Variants in ELMO1 observed in about 807,000 individuals in gnomAD.
The protein encoded by ELMO1 is engulfment and cell motility 1.
Under a neutral mutation model 98.9 loss-of-function variants are expected in ELMO1, and 26 were observed. The observed-to-expected ratio is 0.26, with a 90% CI of 0.19 to 0.36. ELMO1 has a LOEUF of 0.36. ELMO1 is among the 10% of genes least tolerant of loss of function. ELMO1 has a pLI of 1.00. For missense variants in ELMO1, 627 were observed against 935.2 expected, an observed-to-expected ratio of 0.67 and a Z score of 4.30; for synonymous variants, 346 against 346.0, an observed-to-expected ratio of 1.00 and a Z score of 0.00.
chr7:36,983,956 C>T (rs571299386), intron 16 of ELMO1, among the ~76,000 whole-genome samples: 1 of 146,668 alleles, frequency 6.8e-6, no homozygotes, highest in Non-Finnish European at 1.5e-5. Flanking sequence ...TTAAGAACTA[C>T]TGTTTTAGAT....
chr7:37,063,754 G>C (rs1041430743), intron 15 of ELMO1, among the ~76,000 whole-genome samples: 1 of 152,070 alleles, frequency 6.6e-6, no homozygotes, highest in Non-Finnish European at 1.5e-5. Context: ...TGAGAGTATT[G>C]AGAAAACGCA....
chr7:36,867,318 GGAGA>G (rs1198692802), intron 20 of ELMO1, among the ~76,000 whole-genome samples: 2 of 152,120 alleles, frequency 1.3e-5, no homozygotes, highest in African/African-American at 4.8e-5. Flanking sequence ...TCTCCTTTAA[GGAGA>G]GAGGAGTCTG....
At chr7:37,417,622 C>T (rs1289834907) in intron 1 of ELMO1, among the ~76,000 whole-genome samples, 1 of 149,360 alleles carries the variant, frequency 6.7e-6, no homozygotes, top group Non-Finnish European at 1.5e-5. Context: ...CAAGATCACG[C>T]CACTGCACTC....
At chr7:36,878,888 C>G (rs188923549) in intron 18 of ELMO1, among the ~76,000 whole-genome samples, 106 of 152,258 alleles carry the variant, frequency 7.0e-4, no homozygotes, top group Admixed American at 4.1e-3. Flanking sequence ...GCAAAGAGCA[C>G]TTTTTATAGG....
intron 2 of ELMO1, among the ~76,000 whole-genome samples, chr7:37,319,755 A>G (rs1021541038): frequency 2.0e-5 from 3 of 152,182 alleles, no homozygotes; most frequent in Admixed American, 2.0e-4. Context: ...ACTAAGTCTC[A>G]TCACTACTTC....
intron 16 of ELMO1, among the ~76,000 whole-genome samples, chr7:37,001,858 C>G (rs1216600199): frequency 6.6e-6 from 1 of 152,058 alleles, no homozygotes; most frequent in Non-Finnish European, 1.5e-5. Context: ...GCTGAGGCCA[C>G]AAAATTTAAT....
chr7:37,384,662 G>C (rs552285828), intron 1 of ELMO1, among the ~76,000 whole-genome samples: 2 of 152,000 alleles, frequency 1.3e-5, no homozygotes, highest in Admixed American at 1.3e-4. Context: ...GGAGCTTGCA[G>C]TGAGCCGAGA....
rs147607347 is a variant in ELMO1, at chr7:36,912,712, T to C, written c.1438-17695A>G. On this transcript the variant is annotated intron_variant, in intron 16 of 21. Transcript: ENST00000310758. ...GCATTTTAGTGATATAGAGTGGAAA[T>C]AGCATGAGTATTGGAACAAAGATTT... Among the ~76,000 whole-genome samples the C allele has an allele frequency of 3.0e-3, 460 of 152,266 alleles. 2 individuals carry two copies. Among genetic ancestry groups the C allele is most frequent in the African/African-American group, 0.01 (427 of 41,532 alleles).
At chr7:37,086,148 C>A (rs1783757428) in intron 15 of ELMO1, among the ~76,000 whole-genome samples, 1 of 152,246 alleles carries the variant, frequency 6.6e-6, no homozygotes, top group Admixed American at 6.5e-5. Flanking sequence ...GTCCCTTCCT[C>A]CTCCACAGCC....
chr7:36,945,143 T>C (rs1241032108), intron 16 of ELMO1, among the ~76,000 whole-genome samples: 1 of 152,206 alleles, frequency 6.6e-6, no homozygotes, highest in Non-Finnish European at 1.5e-5. Flanking sequence ...TTCTCAACAT[T>C]GTTTTCTTCC....
In ELMO1 at chr7:37,211,387, A is replaced by G. The variant is rs1792960772; in HGVS notation, c.1085T>C (p.Ile362Thr). The G allele has an allele frequency of 1.9e-6, 3 of 1,613,858 alleles. No individual in the cohort carries two copies. In the East Asian group the frequency reaches 6.7e-5, roughly 36 times the overall value. Residue 362 changes from isoleucine (I) to threonine (T), a missense_variant and splice_region_variant, in exon 13 of 22, where the codon ATT becomes ACT. By Grantham distance (89) the Ile-to-Thr change is moderately conservative. Around this residue, in one of 3 missense-constraint regions of ELMO1, gnomAD observed 492 missense variants for 715.6 expected, o/e 0.69. Transcript: ENST00000310758. ...GCATACTGGAGATAGCTTACTTACA[A>G]TGAACCCAAGCTTCTTATAATCTCG... ...YTRDYKKLGF[I>T]NHVNPAMDFT...
chr7:36,912,676 T>C (rs557221351), intron 16 of ELMO1, among the ~76,000 whole-genome samples: 1 of 152,296 alleles, frequency 6.6e-6, no homozygotes, highest in African/African-American at 2.4e-5. Context: ...TATTTTGATA[T>C]CTTTTGTAAG....
intron 13 of ELMO1, among the ~76,000 whole-genome samples, chr7:37,135,460 C>A (rs1286861926): frequency 6.6e-6 from 1 of 152,188 alleles, no homozygotes; most frequent in African/African-American, 2.4e-5. Flanking sequence ...AACCAAGGAC[C>A]CGCACAGAGT....
At position 37,086,765 on chromosome 7, in the gene ELMO1, A is replaced by AAAAG. The variant is rs1491293564; in HGVS notation, c.1300+9853_1300+9854insCTTT. On this transcript the variant is annotated intron_variant, in intron 15 of 21. Transcript: ENST00000310758. ...CTCCAAAAAAAAAAAAAAAAAAAAA[A>AAAAG]GAAATCTTTGAACTTTCTTGCCAAA... Among the ~76,000 whole-genome samples the AAAAG allele has an allele frequency of 8.7e-3, 1,241 of 142,254 alleles. 27 individuals are homozygous for AAAAG. Among genetic ancestry groups the AAAAG allele is most frequent in the African/African-American group, 0.032 (1,177 of 37,272 alleles). The allele number at this position is 142,254 out of a possible 152,430, so 93.3% of individuals were successfully genotyped here. A position where few individuals can be genotyped will look rare whatever the true frequency, so the allele number is the denominator to read the frequency against.
intron 15 of ELMO1, among the ~76,000 whole-genome samples, chr7:37,087,970 G>A (rs116482885): frequency 0.02 from 3,090 of 152,214 alleles, 95 homozygotes; most frequent in African/African-American, 0.07. Context: ...TCACCCAAAC[G>A]ATGCTTGAGA....
chr7:37,101,768 C>T (rs780672948), intron 14 of ELMO1, among the ~76,000 whole-genome samples: 7 of 151,916 alleles, frequency 4.6e-5, no homozygotes, highest in Non-Finnish European at 8.8e-5. Flanking sequence ...AAGGGGGCTG[C>T]GAGTGAAGAC....
At chr7:37,336,683 G>A (rs1412950716) in intron 2 of ELMO1, among the ~76,000 whole-genome samples, 1 of 152,162 alleles carries the variant, frequency 6.6e-6, no homozygotes, top group Non-Finnish European at 1.5e-5. Flanking sequence ...AAGAAGATGA[G>A]AATGGGCAGC....
chr7:37,153,494 T>C (rs1018371781), intron 13 of ELMO1, among the ~76,000 whole-genome samples: 3 of 152,160 alleles, frequency 2.0e-5, no homozygotes, highest in Non-Finnish European at 4.4e-5. Context: ...CTCCTGTGCC[T>C]GGCTTGGCTG....
intron 13 of ELMO1, among the ~76,000 whole-genome samples, chr7:37,205,143 C>A (rs1792542403): frequency 6.6e-6 from 1 of 152,218 alleles, no homozygotes; most frequent in Non-Finnish European, 1.5e-5. Flanking sequence ...AGACGGGACC[C>A]TCTGGGATTC....
Sources: allele counts gnomAD v4.1 joint callset (sites outside exome capture counted in the v4.1 genomes callset), GRCh38; gene constraint gnomAD v4.1.1; regional missense constraint gnomAD v4.1.1; transcripts MANE v1.5; gene names NCBI Gene and HGNC (gene_info 2026-07-23, HGNC 2026-07-21).